The following ZNF385B variants were observed in gnomAD, a reference collection of about 807,000 sequenced individuals.
ZNF385B encodes zinc finger protein 385B.
A neutral mutation model predicts 39.2 loss-of-function variants in ZNF385B; 23 were observed. The ratio of observed to expected loss-of-function variants is 0.59; its 90% CI spans 0.42 to 0.83. The LOEUF (loss-of-function observed/expected upper bound fraction) is 0.83, where lower values mean the gene tolerates loss of function less well. Among genes scored for constraint, ZNF385B ranks in the 40% least tolerant of loss-of-function variants. ZNF385B has a pLI of 0.00. For synonymous variants in ZNF385B, 205 were observed against 222.6 expected, an observed-to-expected ratio of 0.92 and a Z score of 0.70; for missense variants, 552 against 598.9, an observed-to-expected ratio of 0.92 and a Z score of 0.82.
At position 179,442,917 on chromosome 2, in the gene ZNF385B, G is replaced by GA. The variant is rs2049088798; in HGVS notation, c.*332dup. 1.6e-5 allele frequency: 6 copies of GA among 380,192 alleles called. 1 individual carries two copies. The highest frequency in any genetic ancestry group is 1.5e-4 in the South Asian group (6 of 41,276). 23.6% of individuals were successfully genotyped at this position (380,192 alleles called of 1,614,324 possible). ...TGTTTTAAGCCAGATCATACCCATG[G>GA]AAAAATAGAGAATGGTTTTCTTTCT... On this transcript the variant is annotated 3_prime_UTR_variant, in exon 10 of 10. Transcript: ENST00000410066.
chr2:179,640,707 T>C (rs766044539), intron 3 of ZNF385B, among the ~76,000 whole-genome samples: 1 of 152,100 alleles, frequency 6.6e-6, no homozygotes, highest in East Asian at 1.9e-4. Flanking sequence ...AAACAGCTTA[T>C]GGGGAGCAGT....
At chr2:179,814,202 G>A (rs1269924748) in intron 1 of ZNF385B, 3 of 174,648 alleles carry the variant, frequency 1.7e-5, no homozygotes, top group African/African-American at 7.2e-5. Flanking sequence ...TCTCACGCAG[G>A]GCCCTCATTG....
intron 5 of ZNF385B, among the ~76,000 whole-genome samples, chr2:179,507,823 T>C (rs1473684852): frequency 6.6e-6 from 1 of 152,146 alleles, no homozygotes; most frequent in Non-Finnish European, 1.5e-5. Context: ...TTGGCTAAGG[T>C]GATACTTCCT....
At chr2:179,537,321 TAA>T (rs1222990610) in intron 4 of ZNF385B, among the ~76,000 whole-genome samples, 155 of 124,010 alleles carry the variant, frequency 1.2e-3, no homozygotes, top group African/African-American at 4.4e-3. Flanking sequence ...AAAAAATAAA[TAA>T]AAAAAAAATA....
At chr2:179,581,645 T>G in intron 3 of ZNF385B, among the ~76,000 whole-genome samples, 1 of 152,214 alleles carries the variant, frequency 6.6e-6, no homozygotes, top group Non-Finnish European at 1.5e-5. Flanking sequence ...CTAGTTGTCT[T>G]TCCAATCTCC....
intron 3 of ZNF385B, among the ~76,000 whole-genome samples, chr2:179,574,806 T>C (rs1357739197): frequency 1.3e-5 from 2 of 152,096 alleles, no homozygotes; most frequent in East Asian, 1.9e-4. Context: ...AGGAGGGATG[T>C]TAGGGGGGAA....
chr2:179,800,008 G>A (rs1440909211), intron 1 of ZNF385B, among the ~76,000 whole-genome samples: 1 of 152,026 alleles, frequency 6.6e-6, no homozygotes, highest in African/African-American at 2.4e-5. Context: ...ACATCCAAGA[G>A]CTAAAACTCT....
intron 3 of ZNF385B, among the ~76,000 whole-genome samples, chr2:179,557,573 TTA>T (rs1351767061): frequency 6.6e-5 from 1 of 15,166 alleles, no homozygotes. Flanking sequence ...TATATGTATG[TTA>T]TATACATGTA....
intron 3 of ZNF385B, among the ~76,000 whole-genome samples, chr2:179,667,212 T>A (rs1695282625): frequency 6.6e-6 from 1 of 152,162 alleles, no homozygotes; most frequent in Non-Finnish European, 1.5e-5. Context: ...TCAATCTTAA[T>A]ACCTACATTA....
intron 3 of ZNF385B, among the ~76,000 whole-genome samples, chr2:179,634,000 G>A (rs1389353462): frequency 6.6e-6 from 1 of 152,152 alleles, no homozygotes; most frequent in Non-Finnish European, 1.5e-5. Flanking sequence ...AAACTGGCTA[G>A]CCATATGTAG....
chr2:179,603,736 G>T (rs966393394), intron 3 of ZNF385B, among the ~76,000 whole-genome samples: 7 of 152,054 alleles, frequency 4.6e-5, no homozygotes, highest in African/African-American at 1.4e-4. Flanking sequence ...AATCTCACAG[G>T]GTTAGTCACT....
chr2:179,677,566 G>A (rs915823939), intron 3 of ZNF385B, among the ~76,000 whole-genome samples: 1 of 152,178 alleles, frequency 6.6e-6, no homozygotes, highest in African/African-American at 2.4e-5. Flanking sequence ...CTGAGTTCTA[G>A]TGTTACAATG....
intron 3 of ZNF385B, among the ~76,000 whole-genome samples, chr2:179,591,104 TACACACAC>T (rs143269141): frequency 6.7e-6 from 1 of 149,708 alleles, no homozygotes; most frequent in Admixed American, 6.7e-5. Context: ...ATGATTCATT[TACACACAC>T]ACACACACAC....
chr2:179,664,315 C>T (rs1694877832), intron 3 of ZNF385B, among the ~76,000 whole-genome samples: 1 of 151,988 alleles, frequency 6.6e-6, no homozygotes, highest in Non-Finnish European at 1.5e-5. Context: ...CATTTTAATA[C>T]TTAGGCTTCA....
intron 3 of ZNF385B, among the ~76,000 whole-genome samples, chr2:179,706,282 A>C (rs978797384): frequency 2.0e-5 from 3 of 152,064 alleles, no homozygotes; most frequent in Non-Finnish European, 4.4e-5. Context: ...ATGCCATATA[A>C]ACTTGCATGT....
At chr2:179,788,115 G>A (rs1205349621) in intron 1 of ZNF385B, among the ~76,000 whole-genome samples, 1 of 152,206 alleles carries the variant, frequency 6.6e-6, no homozygotes, top group East Asian at 1.9e-4. Context: ...TGACACTAAC[G>A]TGATTTTCAT....
chr2:179,751,414 T>C (rs1702668999), intron 3 of ZNF385B, among the ~76,000 whole-genome samples: 1 of 152,154 alleles, frequency 6.6e-6, no homozygotes, highest in African/African-American at 2.4e-5. Context: ...GTATCGCGTT[T>C]TCAAGTTTAA....
intron 1 of ZNF385B, among the ~76,000 whole-genome samples, chr2:179,856,969 G>A (rs1186684214): frequency 6.6e-6 from 1 of 152,122 alleles, no homozygotes. Flanking sequence ...ATCATCTACT[G>A]CACCTTGCTT....
chr2:179,848,010 A>C (rs561277966), intron 1 of ZNF385B, among the ~76,000 whole-genome samples: 174 of 152,174 alleles, frequency 1.1e-3, no homozygotes, highest in Non-Finnish European at 2.2e-3. Context: ...AAGAAGCATG[A>C]GAGGAGTCTA....
Sources: allele counts gnomAD v4.1 joint callset (sites outside exome capture counted in the v4.1 genomes callset), GRCh38; gene constraint gnomAD v4.1.1; transcripts MANE v1.5; gene names NCBI Gene and HGNC (gene_info 2026-07-23, HGNC 2026-07-21).